Variants in RHBDL2 observed in about 807,000 individuals in gnomAD.
The protein encoded by RHBDL2 is rhomboid-related protein 2.
RHBDL2 carries 26 observed loss-of-function variants against 31.7 expected under a neutral mutation model. The ratio of observed to expected loss-of-function variants is 0.82; its 90% confidence interval spans 0.60 to 1.14. The LOEUF is 1.14. Among genes scored for constraint, RHBDL2 ranks in the 50% most tolerant of loss-of-function variants. RHBDL2 has a pLI of 0.00. For missense variants in RHBDL2, 336 were observed against 364.4 expected, an observed-to-expected ratio of 0.92 and a Z score of 0.63; for synonymous variants, 123 against 127.2, an observed-to-expected ratio of 0.97 and a Z score of 0.22.
intron 4 of RHBDL2, among the ~76,000 whole-genome samples, chr1:38,907,474 A>C (rs560837194): frequency 2.0e-5 from 3 of 152,210 alleles, no homozygotes; most frequent in East Asian, 3.9e-4. Flanking sequence ...TGGGAGGTGG[A>C]GGTTGCAGTG....
chr1:38,932,579 C>T (rs1643449680), intron 1 of RHBDL2, among the ~76,000 whole-genome samples: 3 of 152,316 alleles, frequency 2.0e-5, no homozygotes, highest in Non-Finnish European at 4.4e-5. Flanking sequence ...TGTGCCTCAG[C>T]CTCCCAAGTA....
chr1:38,926,212 T>A (rs914582742), intron 1 of RHBDL2: 4 of 1,101,830 alleles, frequency 3.6e-6, no homozygotes, highest in Non-Finnish European at 2.2e-6. Flanking sequence ...AAAAATTCTT[T>A]ACAGTGGTTG....
At chr1:38,915,135 CTT>C (rs879910855) in intron 3 of RHBDL2, among the ~76,000 whole-genome samples, 8 of 142,376 alleles carry the variant, frequency 5.6e-5, no homozygotes, top group South Asian at 2.3e-4. Context: ...GTGACTACAT[CTT>C]TTTTTTTTTT....
intron 3 of RHBDL2, among the ~76,000 whole-genome samples, chr1:38,914,531 T>G (rs1225328664): frequency 6.6e-6 from 1 of 151,722 alleles, no homozygotes. Context: ...TGTGAGGCAC[T>G]GTGCCCGGCC....
intron 4 of RHBDL2, among the ~76,000 whole-genome samples, chr1:38,896,588 A>G (rs1345038097): frequency 6.6e-6 from 1 of 152,224 alleles, no homozygotes; most frequent in East Asian, 1.9e-4. Flanking sequence ...ATTGCAAAAT[A>G]TCCTATGTTC....
intron 6 of RHBDL2, among the ~76,000 whole-genome samples, chr1:38,889,465 T>C (rs1642828308): frequency 6.6e-6 from 1 of 152,138 alleles, no homozygotes; most frequent in African/African-American, 2.4e-5. Flanking sequence ...GAACAGGAAC[T>C]GGAAGACCAG....
chr1:38,903,134 G>C (rs559553251), intron 4 of RHBDL2, among the ~76,000 whole-genome samples: 3 of 151,926 alleles, frequency 2.0e-5, no homozygotes, highest in African/African-American at 7.2e-5. Context: ...AATGAAGAAT[G>C]AGAAATATAA....
intron 2 of RHBDL2, among the ~76,000 whole-genome samples, chr1:38,916,140 G>C (rs1341548862): frequency 6.6e-6 from 1 of 152,216 alleles, no homozygotes; most frequent in African/African-American, 2.4e-5. Flanking sequence ...CTTGCCAGGG[G>C]AGAGACCTGG....
At chr1:38,918,835 G>T in intron 2 of RHBDL2, 132 bp downstream of exon 2, 4 of 1,082,020 alleles carry the variant, frequency 3.7e-6, no homozygotes, top group South Asian at 3.2e-5. Flanking sequence ...GAGGTGAGGT[G>T]TGTGCTGTCC....
chr1:38,917,056 A>G (rs1425929866), intron 2 of RHBDL2, among the ~76,000 whole-genome samples: 1 of 118,872 alleles, frequency 8.4e-6, no homozygotes, highest in Non-Finnish European at 1.7e-5. Flanking sequence ...CTTGCTCTGT[A>G]GCCCAGGCTG....
chr1:38,905,775 G>A (rs12091196), intron 4 of RHBDL2, among the ~76,000 whole-genome samples: 2,926 of 147,862 alleles, frequency 0.02, 91 homozygotes, highest in African/African-American at 0.069. Flanking sequence ...AAGGCCAGGC[G>A]CAGTGGCTCA....
At chr1:38,935,234 A>T (rs1460170767) in intron 1 of RHBDL2, among the ~76,000 whole-genome samples, 1 of 152,230 alleles carries the variant, frequency 6.6e-6, no homozygotes, top group Non-Finnish European at 1.5e-5. Flanking sequence ...TTTTCTGTCC[A>T]TAAGAAAATC....
At chr1:38,908,603 G>A (rs1315473994) in intron 4 of RHBDL2, among the ~76,000 whole-genome samples, 1 of 151,906 alleles carries the variant, frequency 6.6e-6, no homozygotes, top group Non-Finnish European at 1.5e-5. Flanking sequence ...CCCCTCGCAG[G>A]GCGTGCGATG....
intron 1 of RHBDL2, among the ~76,000 whole-genome samples, chr1:38,919,631 A>G (rs1185992295): frequency 2.0e-5 from 3 of 150,958 alleles, no homozygotes; most frequent in African/African-American, 7.3e-5. Flanking sequence ...TATGAGGTGG[A>G]GTCATCTTGC....
At chr1:38,928,897 C>CA (rs58146406) in intron 1 of RHBDL2, among the ~76,000 whole-genome samples, 5 of 151,012 alleles carry the variant, frequency 3.3e-5, no homozygotes, top group African/African-American at 4.9e-5. Flanking sequence ...CCTTTCTCTA[C>CA]AAAAAAAAAT....
chr1:38,894,303 C>A (rs1408509296), intron 5 of RHBDL2, among the ~76,000 whole-genome samples: 1 of 151,852 alleles, frequency 6.6e-6, no homozygotes, highest in Non-Finnish European at 1.5e-5. Context: ...TTACACTTTT[C>A]TACCTAGAAT....
chr1:38,907,516 G>T (rs1383933217), intron 4 of RHBDL2, among the ~76,000 whole-genome samples: 2 of 151,688 alleles, frequency 1.3e-5, no homozygotes, highest in South Asian at 2.1e-4. Context: ...CTTCAGCCTG[G>T]GCGACAAAAG....
intron 5 of RHBDL2, among the ~76,000 whole-genome samples, chr1:38,894,713 T>TTC (rs1642894224): frequency 7.0e-6 from 1 of 143,444 alleles, no homozygotes; most frequent in African/African-American, 2.6e-5. Context: ...TTTTCTTTTT[T>TTC]TTTTTTTTTT....
At chr1:38,939,873 C>T (rs1455586987) in intron 1 of RHBDL2, among the ~76,000 whole-genome samples, 2 of 151,972 alleles carry the variant, frequency 1.3e-5, no homozygotes, top group African/African-American at 4.8e-5. Context: ...GACAGGGTCT[C>T]GCTTGTTGCC....
Sources: allele counts gnomAD v4.1 joint callset (sites outside exome capture counted in the v4.1 genomes callset), GRCh38; gene constraint gnomAD v4.1.1; transcripts MANE v1.5; gene names NCBI Gene and HGNC (gene_info 2026-07-23, HGNC 2026-07-21).